Variants in FLRT2 observed in about 807,000 individuals in gnomAD.
FLRT2 encodes the protein leucine-rich repeat transmembrane protein FLRT2.
Under a neutral mutation model 40.0 loss-of-function variants are expected in FLRT2, and 15 were observed. The observed-to-expected ratio is 0.38, with a 90% CI of 0.25 to 0.58. The LOEUF (loss-of-function observed/expected upper bound fraction) is 0.58, where lower values mean the gene tolerates loss of function less well. FLRT2 is among the 20% of genes least tolerant of loss of function. The pLI, the probability that FLRT2 is intolerant of heterozygous loss-of-function variation, is 0.71. For missense variants in FLRT2, 726 were observed against 840.0 expected, an observed-to-expected ratio of 0.86 and a Z score of 1.68; for synonymous variants, 380 against 336.8, an observed-to-expected ratio of 1.13 and a Z score of -1.41.
rs1893802740 is a variant in FLRT2, at chr14:85,629,052, A to C, written c.*5555A>C. ...TTACTATTCATCTACTTTCTACAGCACTATGTTAGGGTCTTCCGGGGATTC... is the reference window on the plus strand; with the variant it reads ...TTACTATTCATCTACTTTCTACAGCCCTATGTTAGGGTCTTCCGGGGATTC... On this transcript the variant is annotated 3_prime_UTR_variant, in exon 2 of 2. Transcript: ENST00000330753. 6.6e-6 allele frequency: 1 copy of C among 152,146 alleles called. No individual in the cohort carries two copies. Among genetic ancestry groups the C allele is most frequent in the Admixed American group, 6.5e-5 (1 of 15,270 alleles). The allele number at this position is 152,146 out of a possible 1,614,324, so 9.4% of individuals were successfully genotyped here.
In FLRT2 at chr14:85,630,960, C is replaced by A. The variant is rs550177645; in HGVS notation, c.*7463C>A. On this transcript the variant is annotated 3_prime_UTR_variant, in exon 2 of 2. Coordinates refer to ENST00000330753, the MANE Select transcript of FLRT2 (RefSeq NM_013231.6). Reference sequence around the variant, plus strand: ...GATACTGCAGTGCTTGCAAAACATGCGTTTTTATTGCTTGCAAGATAGAAT... The same window carrying A: ...GATACTGCAGTGCTTGCAAAACATGAGTTTTTATTGCTTGCAAGATAGAAT... The A allele has an allele frequency of 6.6e-6, 1 of 151,538 alleles. No individual in the cohort carries two copies. Among genetic ancestry groups the A allele is most frequent in the African/African-American group, 2.4e-5 (1 of 41,154 alleles). The allele number at this position is 151,538 out of a possible 1,614,324, so 9.4% of individuals were successfully genotyped here. A position where few individuals can be genotyped will look rare whatever the true frequency, so the allele number is the denominator to read the frequency against.
chr14:85,610,566 A>T (rs1478366032), intron 1 of FLRT2, among the ~76,000 whole-genome samples: 1 of 152,268 alleles, frequency 6.6e-6, no homozygotes, highest in South Asian at 2.1e-4. Context: ...TTGCCTTCTC[A>T]TTTCTCATAA....
At chr14:85,617,496 T>C (rs1346173222) in intron 1 of FLRT2, among the ~76,000 whole-genome samples, 1 of 152,200 alleles carries the variant, frequency 6.6e-6, no homozygotes, top group African/African-American at 2.4e-5. Flanking sequence ...TCAGGATCTA[T>C]GCTTGGTGAC....
intron 1 of FLRT2, among the ~76,000 whole-genome samples, chr14:85,574,606 T>C (rs1198744459): frequency 6.6e-6 from 1 of 152,166 alleles, no homozygotes; most frequent in African/African-American, 2.4e-5. Flanking sequence ...TTCTGTTGCA[T>C]TTTGCCAGTG....
At chr14:85,603,998 CA>C (rs1892502044) in intron 1 of FLRT2, among the ~76,000 whole-genome samples, 1 of 152,130 alleles carries the variant, frequency 6.6e-6, no homozygotes, top group South Asian at 2.1e-4. Context: ...GCTGCTTTAA[CA>C]GAAATGGAAG....
At chr14:85,547,417 A>G (rs1205294249) in intron 1 of FLRT2, among the ~76,000 whole-genome samples, 2 of 148,888 alleles carry the variant, frequency 1.3e-5, no homozygotes, top group Non-Finnish European at 3.0e-5. Flanking sequence ...TCTGCCTTCC[A>G]GTTTCAAGCG....
In FLRT2 at chr14:85,629,281, A is replaced by G. The variant is rs1460826887; in HGVS notation, c.*5784A>G. ...CATAATTAGATGTTCTTGGTTTTTA[A>G]TAGATGCAGCAATGAGAGAGTACAT... On this transcript the variant is annotated 3_prime_UTR_variant, in exon 2 of 2. Coordinates refer to ENST00000330753, the MANE Select transcript of FLRT2 (RefSeq NM_013231.6). The G allele has an allele frequency of 1.3e-5, 2 of 152,204 alleles. No individual in the cohort carries two copies. The highest frequency in any genetic ancestry group is 2.9e-5 in the Non-Finnish European group (2 of 68,028). 9.4% of individuals were successfully genotyped at this position (152,204 alleles called of 1,614,324 possible).
At chr14:85,533,708 G>A (rs1003459000) in intron 1 of FLRT2, among the ~76,000 whole-genome samples, 1 of 152,020 alleles carries the variant, frequency 6.6e-6, no homozygotes, top group Non-Finnish European at 1.5e-5. Flanking sequence ...GCGGAGGACG[G>A]GGGAAGACGA....
rs1894096869 is a variant in FLRT2 at position 85,639,563 on chromosome 14, G to A, written c.*16066G>A. 6.6e-6 allele frequency: 1 copy of A among 152,088 alleles called. No homozygotes were observed. The highest frequency in any genetic ancestry group is 6.5e-5 in the Admixed American group (1 of 15,270). The allele number at this position is 152,088 out of a possible 1,614,324, so 9.4% of individuals were successfully genotyped here. On this transcript the variant is annotated 3_prime_UTR_variant, in exon 2 of 2. Coordinates refer to ENST00000330753, the MANE Select transcript of FLRT2 (RefSeq NM_013231.6). ...AGCCCAAATGATGGTAGCAATGATT[G>A]ATTTATCTCAATCTTCTTGTATAGC...
chr14:85,593,872 T>C (rs4904260), intron 1 of FLRT2, among the ~76,000 whole-genome samples: 72,439 of 151,844 alleles, frequency 0.48, 17,731 homozygotes, highest in East Asian at 0.77. Flanking sequence ...TGAAACCCCA[T>C]CTTTACTAAA....
At position 85,623,739 on chromosome 14, in the gene FLRT2, A is replaced by G. The variant is rs1893537786; in HGVS notation, c.*242A>G. ...TTTGCTTTTTAAATCTTAAAAAAAAAAAAGTTGCTGAAGTACTGTACAGGG... is the reference window on the plus strand; with the variant it reads ...TTTGCTTTTTAAATCTTAAAAAAAAGAAAGTTGCTGAAGTACTGTACAGGG... On this transcript the variant is annotated 3_prime_UTR_variant, in exon 2 of 2. Coordinates refer to ENST00000330753, the MANE Select transcript of FLRT2 (RefSeq NM_013231.6). 1 of 384,126 alleles carries G rather than the reference A, an allele frequency of 2.6e-6. No individual in the cohort carries two copies. The highest frequency in any genetic ancestry group is 4.7e-6 in the Non-Finnish European group (1 of 211,680). 23.8% of individuals were successfully genotyped at this position (384,126 alleles called of 1,614,324 possible). A position where few individuals can be genotyped will look rare whatever the true frequency, so the allele number is the denominator to read the frequency against.
chr14:85,564,012 G>A (rs964321761), intron 1 of FLRT2, among the ~76,000 whole-genome samples: 7 of 152,120 alleles, frequency 4.6e-5, no homozygotes, highest in Non-Finnish European at 7.4e-5. Context: ...TGACACTTAC[G>A]TGGACAGCCA....
At chr14:85,568,178 G>A (rs1178701147) in intron 1 of FLRT2, among the ~76,000 whole-genome samples, 1 of 151,672 alleles carries the variant, frequency 6.6e-6, no homozygotes, top group Non-Finnish European at 1.5e-5. Context: ...AGTAGGGGTA[G>A]GCATTGCCTT....
intron 1 of FLRT2, among the ~76,000 whole-genome samples, chr14:85,602,277 A>T (rs79564730): frequency 0.023 from 3,577 of 152,298 alleles, 146 homozygotes; most frequent in African/African-American, 0.082. Flanking sequence ...CAATCTATTC[A>T]AATTCAGTTT....
chr14:85,599,000 C>T (rs976268994), intron 1 of FLRT2, among the ~76,000 whole-genome samples: 1 of 144,052 alleles, frequency 6.9e-6, no homozygotes, highest in African/African-American at 2.6e-5. Context: ...TCACTGCAAG[C>T]TCCGCCTCCT....
rs1319577336 is a variant in FLRT2 at position 85,633,791 on chromosome 14, C to T, written c.*10294C>T. ...CTCCAGCTTAGGCAACTGAGCAAGA[C>T]CCTGTCTCAAAAAAAAAAAAAAAGT... On this transcript the variant is annotated 3_prime_UTR_variant, in exon 2 of 2. Coordinates refer to ENST00000330753, the MANE Select transcript of FLRT2 (RefSeq NM_013231.6). The T allele has an allele frequency of 3.0e-5, 4 of 132,842 alleles. No homozygotes were observed. Among genetic ancestry groups the T allele is most frequent in the African/African-American group, 1.1e-4 (4 of 35,936 alleles). The allele number at this position is 132,842 out of a possible 1,614,324, so 8.2% of individuals were successfully genotyped here. A position where few individuals can be genotyped will look rare whatever the true frequency, so the allele number is the denominator to read the frequency against.
chr14:85,622,811 A>T lies in FLRT2; in HGVS notation c.1297A>T (p.Asn433Tyr). The change falls in exon 2 of 2, where the codon AAT becomes TAT. Residue 433 changes from asparagine to tyrosine, a missense_variant. By Grantham distance (143) the Asn-to-Tyr change is moderately radical. Transcript: ENST00000330753. ...ERIQLSIHFV[N>Y]DTSIQVSWLS... ...GATCCAGCTCTCTATCCATTTTGTG[A>T]ATGATACTTCCATTCAAGTCAGCTG... 6.2e-7 allele frequency: 1 copy of T among 1,614,154 alleles called. No homozygotes were observed. Among genetic ancestry groups the T allele is most frequent in the Non-Finnish European group, 8.5e-7 (1 of 1,180,018 alleles).
intron 1 of FLRT2, among the ~76,000 whole-genome samples, chr14:85,535,407 G>A (rs920156088): frequency 4.0e-5 from 6 of 150,238 alleles, no homozygotes; most frequent in Non-Finnish European, 7.4e-5. Flanking sequence ...ATTGGCATTT[G>A]TCCAGGGATA....
intron 1 of FLRT2, among the ~76,000 whole-genome samples, chr14:85,571,639 G>A (rs1890896976): frequency 6.6e-6 from 1 of 152,128 alleles, no homozygotes; most frequent in South Asian, 2.1e-4. Flanking sequence ...ATTTAGGTGG[G>A]CTGTGGTGGG....
Sources: gnomAD v4.1 joint callset for allele counts (sites outside exome capture counted in the v4.1 genomes callset) on GRCh38, gnomAD v4.1.1 for gene constraint, MANE v1.5 for transcripts, NCBI Gene and HGNC (gene_info 2026-07-23, HGNC 2026-07-21) for gene names.